LEPR: variants seen among roughly 807,000 people sequenced by gnomAD.
LEPR encodes OB receptor.
In LEPR, 56 loss-of-function variants were observed where a neutral mutation model predicts 114.7. That is an observed-to-expected ratio of 0.49 (90% confidence interval 0.39 to 0.61). LEPR has a LOEUF of 0.61. Among genes scored for constraint, LEPR ranks in the 20% least tolerant of loss-of-function variants. The pLI is 0.00. For missense variants in LEPR, 1,202 were observed against 1,352.9 expected (o/e 0.89, Z 1.75); for synonymous variants, 443 against 461.4 (o/e 0.96, Z 0.51).
At chr1:65,591,468 C>T (rs1436798661) in intron 5 of LEPR, among the ~76,000 whole-genome samples, 3 of 152,016 alleles carry the variant, frequency 2.0e-5, no homozygotes, top group Non-Finnish European at 4.4e-5. Context: ...CCTTAAGGTT[C>T]TCTCAATCTT....
rs1240525113 is a variant in LEPR at position 65,638,213 on chromosome 1, G to T, written c.*1198G>T. 1.3e-5 allele frequency: 2 copies of T among 152,028 alleles called. No homozygotes were observed. The highest frequency in any genetic ancestry group is 2.4e-5 in the African/African-American group (1 of 41,372). 9.4% of individuals were successfully genotyped at this position (152,028 alleles called of 1,614,324 possible). A position where few individuals can be genotyped will look rare whatever the true frequency, so the allele number is the denominator to read the frequency against. ...AAAAACACAAAAATTAGCTGAGTGT[G>T]ACAGAAAAAATAAAGATTATAAAAT... On this transcript the variant is annotated 3_prime_UTR_variant, in exon 20 of 20. Transcript: ENST00000349533.
chr1:65,542,389 G>A (rs529995411), intron 2 of LEPR, among the ~76,000 whole-genome samples: 10 of 150,834 alleles, frequency 6.6e-5, no homozygotes, highest in African/African-American at 9.7e-5. Context: ...GAGTACTTAC[G>A]ATGTTCCAGA....
At chr1:65,627,817 T>G (rs956476849) in intron 19 of LEPR, among the ~76,000 whole-genome samples, 1 of 152,166 alleles carries the variant, frequency 6.6e-6, no homozygotes, top group African/African-American at 2.4e-5. Context: ...ATATAGTATT[T>G]TTTAAAGGAA....
At chr1:65,455,866 C>T (rs1557601495) in intron 2 of LEPR, among the ~76,000 whole-genome samples, 3 of 152,298 alleles carry the variant, frequency 2.0e-5, no homozygotes, top group East Asian at 3.9e-4. Flanking sequence ...CAATGGTGGG[C>T]GCCCCTCCCC....
intron 2 of LEPR, among the ~76,000 whole-genome samples, chr1:65,537,021 T>C (rs1165093128): frequency 6.6e-6 from 1 of 152,160 alleles, no homozygotes; most frequent in Non-Finnish European, 1.5e-5. Flanking sequence ...ATGCAATCAA[T>C]AACAACCAGA....
chr1:65,619,901 G>A, intron 16 of LEPR, 27 bp from the exon 17 acceptor site: 1 of 1,544,306 alleles, frequency 6.5e-7, no homozygotes, highest in Non-Finnish European at 8.9e-7. Flanking sequence ...TTGTATAAAT[G>A]AGCCTTTTAC....
At chr1:65,549,417 TCCATTCTC>T (rs1248183600) in intron 2 of LEPR, among the ~76,000 whole-genome samples, 1 of 152,182 alleles carries the variant, frequency 6.6e-6, no homozygotes, top group Non-Finnish European at 1.5e-5. Flanking sequence ...CCAACTTGGT[TCCATTCTC>T]CAAGTTGGTC....
At chr1:65,541,699 G>T (rs930348895) in intron 2 of LEPR, among the ~76,000 whole-genome samples, 3 of 152,082 alleles carry the variant, frequency 2.0e-5, no homozygotes, top group African/African-American at 2.4e-5. Flanking sequence ...GTGTTTTTCA[G>T]TTGCATTTAA....
intron 11 of LEPR, among the ~76,000 whole-genome samples, chr1:65,606,375 T>C (rs1334880543): frequency 2.0e-5 from 3 of 152,198 alleles, no homozygotes; most frequent in African/African-American, 7.2e-5. Flanking sequence ...GTTACTTGAA[T>C]AACCTATGGT....
chr1:65,626,854 C>T (rs1382123425), intron 19 of LEPR, among the ~76,000 whole-genome samples: 3 of 151,974 alleles, frequency 2.0e-5, no homozygotes, highest in South Asian at 2.1e-4. Flanking sequence ...AGGCTGGTCT[C>T]GAACTCCCAG....
intron 2 of LEPR, among the ~76,000 whole-genome samples, chr1:65,528,789 T>A (rs912294379): frequency 3.9e-5 from 6 of 152,116 alleles, no homozygotes; most frequent in Non-Finnish European, 8.8e-5. Flanking sequence ...TTTACCTTTT[T>A]TTAAAAAAAG....
chr1:65,621,678 G>A (rs1378231561), intron 18 of LEPR, among the ~76,000 whole-genome samples: 1 of 152,142 alleles, frequency 6.6e-6, no homozygotes, highest in African/African-American at 2.4e-5. Context: ...AAAGAAACAC[G>A]AAACACAGCT....
intron 17 of LEPR, among the ~76,000 whole-genome samples, chr1:65,620,787 A>G (rs766118636): frequency 3.4e-4 from 51 of 152,038 alleles, no homozygotes; most frequent in Non-Finnish European, 6.6e-4. Flanking sequence ...TGTTGATGAG[A>G]AAAAAAAGGT....
chr1:65,447,086 C>A (rs1646723030), intron 2 of LEPR, among the ~76,000 whole-genome samples: 1 of 152,142 alleles, frequency 6.6e-6, no homozygotes, highest in African/African-American at 2.4e-5. Flanking sequence ...CCTGCCTCAG[C>A]CTCCCAAAGT....
intron 18 of LEPR, 115 bp downstream of exon 18, chr1:65,621,573 A>C (rs777219200): frequency 5.9e-5 from 50 of 842,160 alleles, no homozygotes; most frequent in Non-Finnish European, 9.3e-5. Context: ...TTTTATATGT[A>C]GTCTGTATAC....
intron 19 of LEPR, among the ~76,000 whole-genome samples, chr1:65,632,179 C>T (rs1273323478): frequency 6.6e-6 from 1 of 152,120 alleles, no homozygotes. Context: ...GAACACCATC[C>T]TCACAGATCT....
At chr1:65,472,411 A>AACACACACACACACACAC (rs71721804) in intron 2 of LEPR, among the ~76,000 whole-genome samples, 6,038 of 133,066 alleles carry the variant, frequency 0.045, 217 homozygotes, top group African/African-American at 0.076. Context: ...CTGTGGCTAA[A>AACACACACACACACACAC]ACACACACAC....
chr1:65,483,699 G>A (rs557313237), intron 2 of LEPR, among the ~76,000 whole-genome samples: 1 of 151,982 alleles, frequency 6.6e-6, no homozygotes, highest in Non-Finnish European at 1.5e-5. Flanking sequence ...AGTATTTCTC[G>A]ATTATTCTTT....
At chr1:65,583,229 G>C (rs1222256283) in intron 5 of LEPR, among the ~76,000 whole-genome samples, 1 of 152,164 alleles carries the variant, frequency 6.6e-6, no homozygotes, top group Non-Finnish European at 1.5e-5. Flanking sequence ...AGTTCAGAGA[G>C]GGTAAGGGGC....
Sources: allele counts gnomAD v4.1 joint callset (sites outside exome capture counted in the v4.1 genomes callset), GRCh38; gene constraint gnomAD v4.1.1; transcripts MANE v1.5; gene names NCBI Gene and HGNC (gene_info 2026-07-23, HGNC 2026-07-21).